BCL11B: variants seen among roughly 807,000 people sequenced by gnomAD.
The protein encoded by BCL11B is BCL11 transcription factor B, also known as B-cell lymphoma/leukemia 11B.
BCL11B carries 8 observed loss-of-function variants against 49.9 expected under a neutral mutation model. The ratio of observed to expected loss-of-function variants is 0.16; its 90% CI spans 0.09 to 0.29. The LOEUF is 0.29. Ranked by LOEUF, BCL11B falls within the 10% of genes least tolerant of loss-of-function variation. The pLI, the probability that BCL11B is intolerant of heterozygous loss-of-function variation, is 1.00. For synonymous variants in BCL11B, 739 were observed against 637.4 expected (o/e 1.16, Z -2.40); for missense variants, 1,006 against 1,351.0 (o/e 0.74, Z 4.00).
intron 2 of BCL11B, among the ~76,000 whole-genome samples, chr14:99,239,550 A>C (rs1192407662): frequency 6.6e-6 from 1 of 152,182 alleles, no homozygotes; most frequent in Non-Finnish European, 1.5e-5. Flanking sequence ...GAGTGGAAAT[A>C]CACAGTTAAG....
At chr14:99,183,516 T>C (rs1886769174) in intron 3 of BCL11B, among the ~76,000 whole-genome samples, 1 of 152,072 alleles carries the variant, frequency 6.6e-6, no homozygotes, top group South Asian at 2.1e-4. Context: ...GCCATGTTCC[T>C]TCCAGACCCA....
chr14:99,176,253 G>T, intron 3 of BCL11B, 58 bp from the exon 4 acceptor site: 1 of 1,491,634 alleles, frequency 6.7e-7, no homozygotes, highest in Non-Finnish European at 9.1e-7. Context: ...AGCGGGGCGC[G>T]GGCACCGCAG....
Position 99,232,075 on chromosome 14 carries a change from T to C in BCL11B, c.428-518A>G, listed in dbSNP as rs1352998945. Among the ~76,000 whole-genome samples, 8 of 152,272 alleles carry C rather than the reference T, an allele frequency of 5.3e-5. No individual in the cohort carries two copies. The East Asian group carries it at 1.2e-3, about 22-fold the overall frequency. The stretch of plus-strand genomic sequence containing the variant: ...AGCCTTGGGTCCGCCTCCAGGTGTC[T>C]GGGCTCTGTTAGCCTCCTGTCTGGC... On this transcript the variant is annotated intron_variant, in intron 2 of 3. Transcript: ENST00000357195. This position sits in a 1 kb window ranked among gnomAD's most constrained non-coding sequence, Gnocchi z 5.1.
At position 99,192,425 on chromosome 14, in the gene BCL11B, T is replaced by C. The variant is rs1595232135; in HGVS notation, c.641-16230A>G. ...AATAGGGACTGTAAACTGGGGCTGGTGCTTTCAATCAAGAAACGTGGCTCT... is the reference window on the plus strand; with the variant it reads ...AATAGGGACTGTAAACTGGGGCTGGCGCTTTCAATCAAGAAACGTGGCTCT... On this transcript the variant is annotated intron_variant, in intron 3 of 3. Transcript: ENST00000357195. The surrounding 1 kb of genome is among the most constrained non-coding windows in gnomAD (Gnocchi z 4.0). Among the ~76,000 whole-genome samples, 1 of 152,082 alleles carries C rather than the reference T, an allele frequency of 6.6e-6. No individual in the cohort carries two copies. The highest frequency in any genetic ancestry group is 1.5e-5 in the Non-Finnish European group (1 of 68,022).
At position 99,232,865 on chromosome 14, in the gene BCL11B, G is replaced by C. The variant is rs547023961; in HGVS notation, c.428-1308C>G. On this transcript the variant is annotated intron_variant, in intron 2 of 3. Coordinates refer to ENST00000357195, the MANE Select transcript of BCL11B (RefSeq NM_138576.4). The surrounding 1 kb of genome is among the most constrained non-coding windows in gnomAD (Gnocchi z 5.1). ...AAAACATGGGTTATCCAGGATCAAG[G>C]CATCAGGGCATTTAAGAAGACCCCC... Among the ~76,000 whole-genome samples, 6 of 152,178 alleles carry C rather than the reference G, an allele frequency of 3.9e-5. No individual in the cohort carries two copies. The highest frequency in any genetic ancestry group is 7.3e-5 in the Non-Finnish European group (5 of 68,044).
At position 99,267,509 on chromosome 14, in the gene BCL11B, G is replaced by A. The variant is rs538116403; in HGVS notation, c.58+3652C>T. On this transcript the variant is annotated intron_variant, in intron 1 of 3. Transcript: ENST00000357195. The stretch of plus-strand genomic sequence containing the variant: ...ACTTATATCACACTTCTAATGATAT[G>A]GGGTTCCCTTCTGTGCAGAAGGGAG... 8.0e-5 allele frequency among the ~76,000 whole-genome samples: 12 copies of A among 149,632 alleles called. No homozygotes were observed. The East Asian group carries it at 2.4e-3, about 30-fold the overall frequency.
Position 99,228,295 on chromosome 14 carries a change from C to T in BCL11B, c.640+3050G>A, listed in dbSNP as rs1888216012. ...CTACTAATTAAACAGGCACTAAAAA[C>T]ACTTAAGCAAACAGCCCAGTGCCAG... On this transcript the variant is annotated intron_variant, in intron 3 of 3. Transcript: ENST00000357195. The surrounding 1 kb of genome is among the most constrained non-coding windows in gnomAD (Gnocchi z 4.8). 1.3e-5 allele frequency among the ~76,000 whole-genome samples: 2 copies of T among 152,164 alleles called. No homozygotes were observed. Among genetic ancestry groups the T allele is most frequent in the Non-Finnish European group, 2.9e-5 (2 of 68,042 alleles).
chr14:99,175,702 C>A lies in BCL11B; in HGVS notation c.1134G>T (p.Pro378=). The stretch of plus-strand genomic sequence containing the variant: ...GGTTGCCGCGGCCCGGGGACACGGG[C>A]GGCGGCGTGGAGCTGTTGCCCGCCA... ...RELAGNSSTP[P]PVSPGRGNPM... Residue 378 remains proline (P), a synonymous_variant, in exon 4 of 4, where the codon CCG becomes CCT. Coordinates refer to ENST00000357195, the MANE Select transcript of BCL11B (RefSeq NM_138576.4). 1 of 1,505,484 alleles carries A rather than the reference C, an allele frequency of 6.6e-7. No homozygotes were observed. The highest frequency in any genetic ancestry group is 8.8e-7 in the Non-Finnish European group (1 of 1,142,430). 93.3% of individuals were successfully genotyped at this position (1,505,484 alleles called of 1,614,324 possible). A position where few individuals can be genotyped will look rare whatever the true frequency, so the allele number is the denominator to read the frequency against.
chr14:99,186,614 G>A (rs1886861178), intron 3 of BCL11B, among the ~76,000 whole-genome samples: 1 of 152,232 alleles, frequency 6.6e-6, no homozygotes, highest in African/African-American at 2.4e-5. Context: ...CAGACTCAAA[G>A]AAAGGAAGAA....
intron 3 of BCL11B, among the ~76,000 whole-genome samples, chr14:99,181,965 A>T (rs1886717793): frequency 6.6e-6 from 1 of 152,172 alleles, no homozygotes; most frequent in African/African-American, 2.4e-5. Context: ...AGATGTGTAG[A>T]TTCCTTATTC....
At chr14:99,206,302 C>G (rs963238581) in intron 3 of BCL11B, among the ~76,000 whole-genome samples, 1 of 152,212 alleles carries the variant, frequency 6.6e-6, no homozygotes, top group Non-Finnish European at 1.5e-5. Flanking sequence ...TCCACGGGTA[C>G]TCTTGCACTA....
At chr14:99,202,575 G>A (rs1887416858) in intron 3 of BCL11B, among the ~76,000 whole-genome samples, 1 of 152,192 alleles carries the variant, frequency 6.6e-6, no homozygotes, top group South Asian at 2.1e-4. Flanking sequence ...GCAAGGCAAC[G>A]CAAGGAGTGC....
intron 1 of BCL11B, chr14:99,263,018 G>A (rs771418429): frequency 6.6e-6 from 1 of 152,264 alleles, no homozygotes. Context: ...ATGGAGATAA[G>A]AGGGAGGCTG....
intron 3 of BCL11B, among the ~76,000 whole-genome samples, chr14:99,230,317 C>T (rs1888290819): frequency 6.6e-6 from 1 of 152,178 alleles, no homozygotes; most frequent in Non-Finnish European, 1.5e-5. Flanking sequence ...CAATTCAAGT[C>T]GAGAGAAAGC....
Position 99,242,334 on chromosome 14 carries a change from C to T in BCL11B, c.428-10777G>A, listed in dbSNP as rs188412889. Among the ~76,000 whole-genome samples, 499 of 152,302 alleles carry T rather than the reference C, an allele frequency of 3.3e-3. No individual in the cohort carries two copies. Among genetic ancestry groups the T allele is most frequent in the African/African-American group, 0.011 (449 of 41,558 alleles). On this transcript the variant is annotated intron_variant, in intron 2 of 3. Transcript: ENST00000357195. The surrounding 1 kb of genome is among the most constrained non-coding windows in gnomAD (Gnocchi z 4.4). ...CGCAAACCATGTGGGCTGGGTACAGCGACAGGCGGAGAGGCCCGTCAGGTT... is the reference window on the plus strand; with the variant it reads ...CGCAAACCATGTGGGCTGGGTACAGTGACAGGCGGAGAGGCCCGTCAGGTT...
Position 99,173,844 on chromosome 14 carries a change from C to A in BCL11B, c.*307G>T. Reference sequence around the variant, plus strand: ...AGAAGGGATGGATACCCAACAAAATCTCTTAAAGGAATTCAAACAGAAAAA... The same window carrying A: ...AGAAGGGATGGATACCCAACAAAATATCTTAAAGGAATTCAAACAGAAAAA... On this transcript the variant is annotated 3_prime_UTR_variant, in exon 4 of 4. Coordinates refer to ENST00000357195, the MANE Select transcript of BCL11B (RefSeq NM_138576.4). 2.5e-6 allele frequency: 1 copy of A among 397,394 alleles called. No individual in the cohort carries two copies. The highest frequency in any genetic ancestry group is 4.5e-6 in the Non-Finnish European group (1 of 219,924). The allele number at this position is 397,394 out of a possible 1,614,324, so 24.6% of individuals were successfully genotyped here.
At chr14:99,251,940 C>T (rs569770010) in intron 2 of BCL11B, among the ~76,000 whole-genome samples, 2 of 152,302 alleles carry the variant, frequency 1.3e-5, no homozygotes, top group Admixed American at 1.3e-4. Context: ...TCAGCAACTC[C>T]CTTAACCTCT....
intron 3 of BCL11B, among the ~76,000 whole-genome samples, chr14:99,223,889 G>C (rs964414834): frequency 1.3e-5 from 2 of 152,182 alleles, no homozygotes; most frequent in African/African-American, 2.4e-5. Flanking sequence ...GGCAATAAGT[G>C]AGGGAGCACC....
chr14:99,269,143 T>TCCCCCCTCCCCCCACC (rs1566838293), intron 1 of BCL11B, among the ~76,000 whole-genome samples: 1 of 122,866 alleles, frequency 8.1e-6, no homozygotes, highest in Non-Finnish European at 1.7e-5. Context: ...CCCCATCCAC[T>TCCCCCCTCCCCCCACC]CCCCCTTCCC....
Sources: allele counts gnomAD v4.1 joint callset (sites outside exome capture counted in the v4.1 genomes callset), GRCh38; gene constraint gnomAD v4.1.1; non-coding constraint Gnocchi (gnomAD v3.1); transcripts MANE v1.5; gene names NCBI Gene and HGNC (gene_info 2026-07-23, HGNC 2026-07-21).